Variants in CLPTM1L observed in about 807,000 individuals in gnomAD.
The protein encoded by CLPTM1L is lipid scramblase CLPTM1L.
Under a neutral mutation model 70.9 loss-of-function variants are expected in CLPTM1L, and 38 were observed. That is an observed-to-expected ratio of 0.54 (90% CI 0.41 to 0.70). CLPTM1L has a LOEUF of 0.70. CLPTM1L is among the 30% of genes least tolerant of loss of function. The pLI, the probability that CLPTM1L is intolerant of heterozygous loss-of-function variation, is 0.00. For synonymous variants in CLPTM1L, 339 were observed against 299.9 expected (o/e 1.13, Z -1.35); for missense variants, 652 against 705.9 (o/e 0.92, Z 0.87).
At chr5:1,341,938 G>A (rs1162463953) in intron 2 of CLPTM1L, 78 bp from the exon 3 acceptor site, 3 of 1,203,788 alleles carry the variant, frequency 2.5e-6, no homozygotes, top group African/African-American at 3.1e-5. Context: ...CCTTTATAAA[G>A]CTGCTTCAAT....
At chr5:1,329,778 T>C (rs1579635053) in intron 9 of CLPTM1L, among the ~76,000 whole-genome samples, 1 of 111,074 alleles carries the variant, frequency 9.0e-6, no homozygotes, top group East Asian at 2.4e-4. Context: ...ACTCTCTGCC[T>C]GGTGGACAGA....
chr5:1,317,973 G>A lies in CLPTM1L; in HGVS notation c.*396C>T, dbSNP rs1040991489. 6.4e-5 allele frequency: 12 copies of A among 188,660 alleles called. No homozygotes were observed. The East Asian group carries it at 1.4e-3, about 23-fold the overall frequency. 11.7% of individuals were successfully genotyped at this position (188,660 alleles called of 1,614,324 possible). A position where few individuals can be genotyped will look rare whatever the true frequency, so the allele number is the denominator to read the frequency against. On this transcript the variant is annotated 3_prime_UTR_variant, in exon 17 of 17. Coordinates refer to ENST00000320895, the MANE Select transcript of CLPTM1L (RefSeq NM_030782.5). ...GAGCCTTTGATCCCAGAGTCCATGCGGAATGAATTCCATACGTGTTTGAAA... is the reference window on the plus strand; with the variant it reads ...GAGCCTTTGATCCCAGAGTCCATGCAGAATGAATTCCATACGTGTTTGAAA...
chr5:1,344,989 G>C lies in CLPTM1L; in HGVS notation c.-148C>G. On this transcript the variant is annotated 5_prime_UTR_variant, in exon 1 of 17. Coordinates refer to ENST00000320895, the MANE Select transcript of CLPTM1L (RefSeq NM_030782.5). ...ACCGCCGCGGGGGAACGAATGCGCC[G>C]CGCGCCGCAGACCGCCGGCCGCCCC... is the stretch of plus-strand genomic sequence containing the variant. 1 of 302,922 alleles carries C rather than the reference G, an allele frequency of 3.3e-6. No individual in the cohort carries two copies. The highest frequency in any genetic ancestry group is 4.8e-6 in the Non-Finnish European group (1 of 207,872). The allele number at this position is 302,922 out of a possible 1,614,324, so 18.8% of individuals were successfully genotyped here.
Position 1,330,281 on chromosome 5 carries a change from T to G in CLPTM1L, c.1079A>C (p.Glu360Ala). Reference sequence around the variant, plus strand: ...TTCAGGTCACTGCCCGGAACTCACCTCAATGGCGGCTCCAACACCCGCCGG... The same window carrying G: ...TTCAGGTCACTGCCCGGAACTCACCGCAATGGCGGCTCCAACACCCGCCGG... ...LVPAGVGAAIELWKVKKALKM... is the reference protein window; with the variant it reads ...LVPAGVGAAIALWKVKKALKM... Residue 360 changes from glutamate (E) to alanine (A), a missense_variant and splice_region_variant, in exon 9 of 17, where the codon GAG (glutamate) becomes GCG (alanine). By Grantham distance (107) the Glu-to-Ala change is moderately radical (BLOSUM62 -1). Transcript: ENST00000320895. The G allele has an allele frequency of 6.2e-7, 1 of 1,612,380 alleles. No individual in the cohort carries two copies. Among genetic ancestry groups the G allele is most frequent in the Non-Finnish European group, 8.5e-7 (1 of 1,179,648 alleles).
At position 1,326,012 on chromosome 5, in the gene CLPTM1L, T is replaced by A. The variant is rs551685004; in HGVS notation, c.1081-196A>T. 108 of 573,526 alleles carry A rather than the reference T, an allele frequency of 1.9e-4. No individual in the cohort carries two copies. The African/African-American group carries it at 2.0e-3, about 11-fold the overall frequency. The allele number at this position is 573,526 out of a possible 1,614,324, so 35.5% of individuals were successfully genotyped here. On this transcript the variant is annotated intron_variant, in intron 9 of 16. Transcript: ENST00000320895. ...GCCTCTAACCCACACACGGCAGGCG[T>A]ACCTGGTCAGGTGGGCTGCACAGCC...
intron 15 of CLPTM1L, 102 bp downstream of exon 15, chr5:1,321,533 C>T (rs1191717321): frequency 5.9e-6 from 6 of 1,013,114 alleles, no homozygotes; most frequent in African/African-American, 1.6e-5. Flanking sequence ...GGTGCAGATG[C>T]ACTCTGGGCA....
At position 1,318,665 on chromosome 5, in the gene CLPTM1L, C is replaced by T; in HGVS notation, c.1533-212G>A. 6.6e-6 allele frequency among the ~76,000 whole-genome samples: 1 copy of T among 152,172 alleles called. No individual in the cohort carries two copies. The highest frequency in any genetic ancestry group is 1.5e-5 in the Non-Finnish European group (1 of 68,028). ...TGCATGGCCAGGCCAGCGTGCTGCT[C>T]TCAAGGAAAGGGAAGCTTGGCCGAA... is the stretch of plus-strand genomic sequence containing the variant. On this transcript the variant is annotated intron_variant, in intron 16 of 16. Transcript: ENST00000320895. The surrounding 1 kb of genome is among the most constrained non-coding windows in gnomAD (Gnocchi z 8.9).
At position 1,318,462 on chromosome 5, in the gene CLPTM1L, A is replaced by T; in HGVS notation, c.1533-9T>A. 1.2e-6 allele frequency: 2 copies of T among 1,612,576 alleles called. No homozygotes were observed. The highest frequency in any genetic ancestry group is 1.7e-6 in the Non-Finnish European group (2 of 1,179,010). The stretch of plus-strand genomic sequence containing the variant: ...TATCCACAGGATAAAGCCTGCAATG[A>T]CACAAATGAGCACATCAGCAAACCC... On this transcript the variant is annotated splice_polypyrimidine_tract_variant and intron_variant, in intron 16 of 16. Transcript: ENST00000320895. The surrounding 1 kb of genome is among the most constrained non-coding windows in gnomAD (Gnocchi z 8.9).
At chr5:1,323,162 C>A (rs1467926819) in intron 12 of CLPTM1L, among the ~76,000 whole-genome samples, 1 of 151,826 alleles carries the variant, frequency 6.6e-6, no homozygotes, top group Non-Finnish European at 1.5e-5. Context: ...CCCACCTGGG[C>A]AGCAGAGGCC....
intron 6 of CLPTM1L, 87 bp from the exon 7 acceptor site, chr5:1,334,470 T>G (rs1244111403): frequency 3.1e-6 from 3 of 979,398 alleles, no homozygotes; most frequent in Non-Finnish European, 4.7e-6. Context: ...TATAAAAATT[T>G]AGGCCGGGCG....
At chr5:1,324,324 G>T (rs1180918587) in intron 11 of CLPTM1L, among the ~76,000 whole-genome samples, 1 of 152,196 alleles carries the variant, frequency 6.6e-6, no homozygotes, top group Admixed American at 6.5e-5. Flanking sequence ...CTATTAACTG[G>T]AACTGAGAAT....
At chr5:1,320,038 G>A (rs182082720) in intron 16 of CLPTM1L, among the ~76,000 whole-genome samples, 3 of 152,272 alleles carry the variant, frequency 2.0e-5, no homozygotes, top group East Asian at 1.9e-4. Context: ...TCCGAGGCCC[G>A]GGGTGGGGCC....
rs1211832537 is a variant in CLPTM1L at position 1,338,914 on chromosome 5, T to C, written c.545A>G (p.Asn182Ser). The change falls in exon 4 of 17, where the codon AAC (asparagine) becomes AGC (serine). Residue 182 changes from asparagine to serine, a missense_variant. Around this residue, in one of 3 missense-constraint regions of CLPTM1L, gnomAD observed 402 missense variants for 388.2 expected, o/e 1.04. Transcript: ENST00000320895. Reference protein sequence around the residue: ...PRLALNVMADNFVFDGSSLPA... With the variant: ...PRLALNVMADSFVFDGSSLPA... ...CAGGGAGGACCCGTCAAAGACAAAG[T>C]TGTCCGCCATCACGTTCAGCGCCAG... The C allele has an allele frequency of 1.2e-6, 2 of 1,613,206 alleles. No homozygotes were observed. The highest frequency in any genetic ancestry group is 4.5e-5 in the East Asian group (2 of 44,898).
chr5:1,325,968 C>A (rs947579321), intron 9 of CLPTM1L, 152 bp from the exon 10 acceptor site: 1 of 647,798 alleles, frequency 1.5e-6, no homozygotes, highest in Non-Finnish European at 2.7e-6. Flanking sequence ...CAGGCCAGAG[C>A]GCTGGAGGCT....
At chr5:1,339,775 A>T in intron 3 of CLPTM1L, among the ~76,000 whole-genome samples, 1 of 48,012 alleles carries the variant, frequency 2.1e-5, no homozygotes, top group Non-Finnish European at 4.1e-5. Flanking sequence ...CAGCAGGGTC[A>T]GCACCCTAAC....
intron 9 of CLPTM1L, among the ~76,000 whole-genome samples, chr5:1,327,546 A>G (rs1021436391): frequency 1.4e-5 from 2 of 147,386 alleles, no homozygotes; most frequent in African/African-American, 5.1e-5. Flanking sequence ...CTACAGGGAC[A>G]TTCCATCCAG....
At position 1,318,910 on chromosome 5, in the gene CLPTM1L, C is replaced by A. The variant is rs764723002; in HGVS notation, c.1533-457G>T. 6.6e-6 allele frequency among the ~76,000 whole-genome samples: 1 copy of A among 152,200 alleles called. No homozygotes were observed. The highest frequency in any genetic ancestry group is 2.1e-4 in the South Asian group (1 of 4,834). On this transcript the variant is annotated intron_variant, in intron 16 of 16. Transcript: ENST00000320895. This position sits in a 1 kb window ranked among gnomAD's most constrained non-coding sequence, Gnocchi z 8.9. ...GGAGGCCTTGCCAACATCACCCCTACGTATGGATGAGGAAGCTGTGGCATA... is the reference window on the plus strand; with the variant it reads ...GGAGGCCTTGCCAACATCACCCCTAAGTATGGATGAGGAAGCTGTGGCATA...
At chr5:1,320,094 G>C (rs1334547633) in intron 16 of CLPTM1L, 1 of 152,340 alleles carries the variant, frequency 6.6e-6, no homozygotes, top group African/African-American at 2.4e-5. Context: ...TTCCTCAGCC[G>C]TCAGCCTTCA....
At position 1,330,189 on chromosome 5, in the gene CLPTM1L, AG is replaced by A; in HGVS notation, c.1080+90del. On this transcript the variant is annotated intron_variant, in intron 9 of 16. Transcript: ENST00000320895. ...CGGGAACAAGCACACAGGCTTCCACAGAAGGTCTCAGGTCCCGGGGCTGAAA... is the reference window on the plus strand; with the variant it reads ...CGGGAACAAGCACACAGGCTTCCACAAAGGTCTCAGGTCCCGGGGCTGAAA... 5.9e-6 allele frequency: 6 copies of A among 1,020,520 alleles called. 1 individual carries two copies. In the South Asian group the frequency reaches 8.3e-5, roughly 14 times the overall value. The allele number at this position is 1,020,520 out of a possible 1,614,324, so 63.2% of individuals were successfully genotyped here.
Sources: allele counts gnomAD v4.1 joint callset (sites outside exome capture counted in the v4.1 genomes callset), GRCh38; gene constraint gnomAD v4.1.1; regional missense constraint gnomAD v4.1.1; non-coding constraint Gnocchi (gnomAD v3.1); transcripts MANE v1.5; gene names NCBI Gene and HGNC (gene_info 2026-07-23, HGNC 2026-07-21).